TIMP2: variants seen among roughly 807,000 people sequenced by gnomAD.
TIMP2 encodes the protein metalloproteinase inhibitor 2.
A neutral mutation model predicts 24.3 loss-of-function variants in TIMP2; 5 were observed. The ratio of observed to expected loss-of-function variants is 0.21; its 90% CI spans 0.11 to 0.43. The LOEUF is 0.43. TIMP2 is among the 20% of genes least tolerant of loss of function. The pLI, the probability that TIMP2 is intolerant of heterozygous loss-of-function variation, is 1.00. For missense variants in TIMP2, 221 were observed against 297.5 expected, an observed-to-expected ratio of 0.74 and a Z score of 1.89; for synonymous variants, 130 against 123.2, an observed-to-expected ratio of 1.06 and a Z score of -0.37.
At chr17:78,910,701 T>A (rs2070199911) in intron 1 of TIMP2, among the ~76,000 whole-genome samples, 1 of 152,238 alleles carries the variant, frequency 6.6e-6, no homozygotes, top group African/African-American at 2.4e-5. Context: ...ATGCCATGTT[T>A]AACTTTCTGT....
rs547040845 is a variant in TIMP2 at position 78,890,542 on chromosome 17, G to C, written c.131-16623C>G. 212 of 1,337,678 alleles carry C rather than the reference G, an allele frequency of 1.6e-4. 2 individuals carry two copies. The South Asian group carries it at 3.0e-3, about 19-fold the overall frequency. 82.9% of individuals were successfully genotyped at this position (1,337,678 alleles called of 1,614,324 possible). A position where few individuals can be genotyped will look rare whatever the true frequency, so the allele number is the denominator to read the frequency against. The stretch of plus-strand genomic sequence containing the variant: ...ATTTTAAAGAGGCCTAATAGTCTCT[G>C]AGGCAATGACGCAAACACAGATCTT... On this transcript the variant is annotated intron_variant, in intron 1 of 4. Coordinates refer to ENST00000262768, the MANE Select transcript of TIMP2 (RefSeq NM_003255.5).
chr17:78,863,443 T>C (rs1296154249), intron 3 of TIMP2, among the ~76,000 whole-genome samples: 1 of 152,098 alleles, frequency 6.6e-6, no homozygotes, highest in African/African-American at 2.4e-5. Context: ...GGGATTTCAC[T>C]GTGTTAGCCA....
intron 1 of TIMP2, among the ~76,000 whole-genome samples, chr17:78,914,441 C>T (rs1299850777): frequency 6.6e-6 from 1 of 151,916 alleles, no homozygotes; most frequent in African/African-American, 2.4e-5. Context: ...CGCCACCATG[C>T]CCGGCTAATT....
intron 3 of TIMP2, among the ~76,000 whole-genome samples, chr17:78,862,987 G>C (rs2069579533): frequency 6.6e-6 from 1 of 152,210 alleles, no homozygotes. Context: ...TTGATTCTGT[G>C]TCTTTGCTAT....
chr17:78,861,031 G>A (rs1400393784), intron 3 of TIMP2, among the ~76,000 whole-genome samples: 11 of 23,800 alleles, frequency 4.6e-4, no homozygotes, highest in African/African-American at 1.5e-3. Flanking sequence ...GCAAGACTCC[G>A]TCTCAAAAAA....
intron 1 of TIMP2, among the ~76,000 whole-genome samples, chr17:78,906,134 G>C (rs1405073271): frequency 2.0e-5 from 3 of 152,178 alleles, no homozygotes; most frequent in African/African-American, 7.2e-5. Flanking sequence ...ACTTTAGGAA[G>C]CCAAGGCAGG....
At chr17:78,867,761 A>T (rs2069630935) in intron 3 of TIMP2, among the ~76,000 whole-genome samples, 1 of 150,962 alleles carries the variant, frequency 6.6e-6, no homozygotes, top group Non-Finnish European at 1.5e-5. Flanking sequence ...ACGCCCGGCT[A>T]ATTTTTTTTT....
intron 1 of TIMP2, among the ~76,000 whole-genome samples, chr17:78,878,614 T>C (rs778254094): frequency 6.6e-6 from 1 of 152,026 alleles, no homozygotes; most frequent in Non-Finnish European, 1.5e-5. Context: ...TTTCCTTCTT[T>C]AAAGTGTCAG....
intron 3 of TIMP2, among the ~76,000 whole-genome samples, chr17:78,863,776 T>C (rs1237156082): frequency 6.6e-6 from 1 of 152,138 alleles, no homozygotes; most frequent in Non-Finnish European, 1.5e-5. Context: ...GTGTAAGACA[T>C]AAAATTATCA....
At chr17:78,918,301 T>C (rs73999319) in intron 1 of TIMP2, among the ~76,000 whole-genome samples, 12,977 of 152,236 alleles carry the variant, frequency 0.085, 1,003 homozygotes, top group African/African-American at 0.21. Flanking sequence ...CCTGGCTGAC[T>C]GGGGAGTAGC....
rs1389827028 is a variant in TIMP2 at position 78,925,017 on chromosome 17, G to A, written c.72C>T (p.Ala24=). Residue 24 remains alanine (A), a synonymous_variant, in exon 1 of 5, where the codon GCC becomes GCT. Coordinates refer to ENST00000262768, the MANE Select transcript of TIMP2 (RefSeq NM_003255.5). The part of the protein sequence containing the change: ...LLLLATLLRP[A]DACSCSPVHP... ...GCACCGGGGAGCAGCTGCAGGCGTC[G>A]GCCGGGCGAAGCAGCGTCGCCAGCA... 3 of 1,287,460 alleles carry A rather than the reference G, an allele frequency of 2.3e-6. No individual in the cohort carries two copies. The highest frequency in any genetic ancestry group is 3.3e-5 in the East Asian group (1 of 30,380). 79.8% of individuals were successfully genotyped at this position (1,287,460 alleles called of 1,614,324 possible). A position where few individuals can be genotyped will look rare whatever the true frequency, so the allele number is the denominator to read the frequency against.
intron 4 of TIMP2, chr17:78,856,119 C>T (rs899836660): frequency 5.6e-6 from 3 of 538,546 alleles, no homozygotes; most frequent in East Asian, 3.2e-5. Flanking sequence ...GGGCCATCTT[C>T]TACCTTCCTG....
At chr17:78,865,422 C>G (rs1275525824) in intron 3 of TIMP2, among the ~76,000 whole-genome samples, 2 of 151,922 alleles carry the variant, frequency 1.3e-5, no homozygotes, top group Non-Finnish European at 2.9e-5. Flanking sequence ...GTCAGGAGTT[C>G]GAGACCAGCC....
rs556893936 is a variant in TIMP2 at position 78,855,414 on chromosome 17, G to A, written c.*253C>T. Reference sequence around the variant, plus strand: ...GAAGCCGCGTGTCCCAGCCCTGCCTGCACCCAAGGATCGAAGCCCCAGACA... The same window carrying A: ...GAAGCCGCGTGTCCCAGCCCTGCCTACACCCAAGGATCGAAGCCCCAGACA... On this transcript the variant is annotated 3_prime_UTR_variant, in exon 5 of 5. Coordinates refer to ENST00000262768, the MANE Select transcript of TIMP2 (RefSeq NM_003255.5). The surrounding 1 kb of genome is among the most constrained non-coding windows in gnomAD (Gnocchi z 6.0). The A allele has an allele frequency of 5.6e-6, 3 of 532,788 alleles. No homozygotes were observed. Among genetic ancestry groups the A allele is most frequent in the South Asian group, 2.2e-5 (1 of 45,346 alleles). The allele number at this position is 532,788 out of a possible 1,614,324, so 33.0% of individuals were successfully genotyped here.
chr17:78,856,793 T>C (rs1180022902), intron 4 of TIMP2: 1 of 152,158 alleles, frequency 6.6e-6, no homozygotes, highest in Non-Finnish European at 1.5e-5. Flanking sequence ...GGTGTGAAAA[T>C]GTCGGGAATG....
In TIMP2 at chr17:78,854,174, C is replaced by G. The variant is rs1482182851; in HGVS notation, c.*1493G>C. ...GCATTTTGCAAGACCACGCCCAGGC[C>G]GCCAAGCTTCGGTTTCATTGCGTGT... On this transcript the variant is annotated 3_prime_UTR_variant, in exon 5 of 5. Transcript: ENST00000262768. The G allele has an allele frequency of 6.6e-6, 1 of 152,020 alleles. No homozygotes were observed. Among genetic ancestry groups the G allele is most frequent in the Non-Finnish European group, 1.5e-5 (1 of 68,032 alleles). 9.4% of individuals were successfully genotyped at this position (152,020 alleles called of 1,614,324 possible). A position where few individuals can be genotyped will look rare whatever the true frequency, so the allele number is the denominator to read the frequency against.
At chr17:78,902,004 C>T (rs2070100795) in intron 1 of TIMP2, 1 of 574,840 alleles carries the variant, frequency 1.7e-6, no homozygotes, top group South Asian at 2.1e-5. Flanking sequence ...GTTCTAGCCT[C>T]TAAAAATACC....
At chr17:78,863,247 AT>A (rs1441157609) in intron 3 of TIMP2, among the ~76,000 whole-genome samples, 1 of 151,500 alleles carries the variant, frequency 6.6e-6, no homozygotes, top group Non-Finnish European at 1.5e-5. Context: ...TTTTTTATTT[AT>A]TTTTTTTGGG....
chr17:78,884,543 G>A (rs1010872778), intron 1 of TIMP2, among the ~76,000 whole-genome samples: 16 of 152,088 alleles, frequency 1.1e-4, no homozygotes, highest in Admixed American at 2.6e-4. Context: ...ATGAAAGCAG[G>A]GGGGCTGAGG....
Sources: allele counts gnomAD v4.1 joint callset (sites outside exome capture counted in the v4.1 genomes callset), GRCh38; gene constraint gnomAD v4.1.1; non-coding constraint Gnocchi (gnomAD v3.1); transcripts MANE v1.5; gene names NCBI Gene and HGNC (gene_info 2026-07-23, HGNC 2026-07-21).